The following DLGAP2 variants were observed in gnomAD, a reference collection of about 807,000 sequenced individuals.
The protein encoded by DLGAP2 is DLG associated protein 2, also known as disks large-associated protein 2.
In DLGAP2, 26 loss-of-function variants were observed where a neutral mutation model predicts 100.3. That is an observed-to-expected ratio of 0.26 (90% confidence interval 0.19 to 0.36). The LOEUF is 0.36. Ranked by LOEUF, DLGAP2 falls within the 10% of genes least tolerant of loss-of-function variation. The pLI is 1.00. For synonymous variants in DLGAP2, 886 were observed against 630.1 expected (o/e 1.41, Z -6.08); for missense variants, 1,858 against 1,453.2 (o/e 1.28, Z -4.53).
intron 3 of DLGAP2, among the ~76,000 whole-genome samples, chr8:1,268,579 A>T (rs764849213): frequency 1.3e-5 from 2 of 152,154 alleles, no homozygotes; most frequent in Non-Finnish European, 2.9e-5. Context: ...AATGCCCCCA[A>T]TTTAACATCT....
At chr8:926,121 TG>T (rs1798810323) in intron 2 of DLGAP2, among the ~76,000 whole-genome samples, 1 of 152,180 alleles carries the variant, frequency 6.6e-6, no homozygotes, top group Admixed American at 6.5e-5. Context: ...TGGCTTTTCC[TG>T]GGCTGGCCGG....
Position 1,706,297 on chromosome 8 carries a change from T to G in DLGAP2, c.*4891T>G, listed in dbSNP as rs1443574513. On this transcript the variant is annotated 3_prime_UTR_variant, in exon 15 of 15. Coordinates refer to ENST00000637795, the MANE Select transcript of DLGAP2 (RefSeq NM_001346810.2). ...CCTCTAGAAAGGGGATTACAGTTCC[T>G]GTCCCTGTCTTCCTCCAGGACACAC... The G allele has an allele frequency of 3.9e-5, 6 of 152,278 alleles. No individual in the cohort carries two copies. The highest frequency in any genetic ancestry group is 7.3e-5 in the Non-Finnish European group (5 of 68,052). 9.4% of individuals were successfully genotyped at this position (152,278 alleles called of 1,614,324 possible).
At position 1,706,095 on chromosome 8, in the gene DLGAP2, T is replaced by C. The variant is rs1478330207; in HGVS notation, c.*4689T>C. 1 of 152,188 alleles carries C rather than the reference T, an allele frequency of 6.6e-6. No individual in the cohort carries two copies. Among genetic ancestry groups the C allele is most frequent in the Non-Finnish European group, 1.5e-5 (1 of 68,040 alleles). 9.4% of individuals were successfully genotyped at this position (152,188 alleles called of 1,614,324 possible). ...AATACATTGTTGGCCATAAACAAAG[T>C]GCTAAAGGAAAGGGTTTGCTTCTAC... On this transcript the variant is annotated 3_prime_UTR_variant, in exon 15 of 15. Coordinates refer to ENST00000637795, the MANE Select transcript of DLGAP2 (RefSeq NM_001346810.2).
At chr8:1,678,148 T>C in intron 11 of DLGAP2, 66 bp from the exon 12 acceptor site, 1 of 1,533,024 alleles carries the variant, frequency 6.5e-7, no homozygotes, top group South Asian at 1.2e-5. Flanking sequence ...AGGCGACATG[T>C]AGGACTTTGT....
At chr8:1,526,410 C>T (rs1342146217) in intron 4 of DLGAP2, among the ~76,000 whole-genome samples, 1 of 152,030 alleles carries the variant, frequency 6.6e-6, no homozygotes, top group Non-Finnish European at 1.5e-5. Flanking sequence ...GGTCCAAGGG[C>T]AGTCAGTGGT....
intron 2 of DLGAP2, among the ~76,000 whole-genome samples, chr8:1,096,629 C>T (rs1453660120): frequency 6.6e-6 from 1 of 151,514 alleles, no homozygotes; most frequent in Non-Finnish European, 1.5e-5. Flanking sequence ...CAGCGTGAGA[C>T]CCACCTCCCT....
At chr8:1,658,021 G>T (rs1467635596) in intron 8 of DLGAP2, among the ~76,000 whole-genome samples, 1 of 152,100 alleles carries the variant, frequency 6.6e-6, no homozygotes, top group Non-Finnish European at 1.5e-5. Context: ...GAATGCAATC[G>T]GTTCTGTACA....
chr8:1,311,320 G>C (rs1800609103), intron 3 of DLGAP2, among the ~76,000 whole-genome samples: 1 of 152,206 alleles, frequency 6.6e-6, no homozygotes, highest in South Asian at 2.1e-4. Context: ...TCCAGAATCA[G>C]ATACGTTCAC....
At chr8:1,294,554 T>A (rs574360260) in intron 3 of DLGAP2, among the ~76,000 whole-genome samples, 86 of 152,368 alleles carry the variant, frequency 5.6e-4, no homozygotes, top group Middle Eastern at 3.4e-3. Context: ...GAGGATGGTG[T>A]GGCGTCCCAC....
chr8:1,200,498 G>A (rs1320252725), intron 2 of DLGAP2, among the ~76,000 whole-genome samples: 1 of 152,090 alleles, frequency 6.6e-6, no homozygotes, highest in Admixed American at 6.5e-5. Flanking sequence ...CGTGCTCCTC[G>A]GGGGCTGAAG....
At chr8:1,296,682 C>T (rs1484165453) in intron 3 of DLGAP2, among the ~76,000 whole-genome samples, 1 of 152,198 alleles carries the variant, frequency 6.6e-6, no homozygotes, top group Non-Finnish European at 1.5e-5. Flanking sequence ...GAACACAGCC[C>T]TTTCCTCCCC....
chr8:1,126,733 T>C (rs1008251573), intron 2 of DLGAP2, among the ~76,000 whole-genome samples: 29 of 151,962 alleles, frequency 1.9e-4, no homozygotes, highest in African/African-American at 6.8e-4. Context: ...GGAAAGAACA[T>C]TTGTTGTCTC....
intron 2 of DLGAP2, among the ~76,000 whole-genome samples, chr8:1,033,532 G>C (rs1200052823): frequency 6.6e-6 from 1 of 152,202 alleles, no homozygotes; most frequent in Non-Finnish European, 1.5e-5. Context: ...GCTGGGCATG[G>C]TGGTGCATGC....
At chr8:884,479 TG>T (rs1035048378) in intron 1 of DLGAP2, among the ~76,000 whole-genome samples, 4 of 152,024 alleles carry the variant, frequency 2.6e-5, no homozygotes, top group Non-Finnish European at 5.9e-5. Flanking sequence ...CACTTTTCGA[TG>T]TTTTTTTTTT....
chr8:1,442,382 TGGA>T (rs1261039362), intron 3 of DLGAP2, among the ~76,000 whole-genome samples: 1 of 142,386 alleles, frequency 7.0e-6, no homozygotes, highest in African/African-American at 2.7e-5. Flanking sequence ...GTTCAGCCAC[TGGA>T]GGAGACGGAT....
At chr8:1,439,635 C>T (rs989711446) in intron 3 of DLGAP2, among the ~76,000 whole-genome samples, 4 of 152,038 alleles carry the variant, frequency 2.6e-5, no homozygotes, top group Admixed American at 2.0e-4. Context: ...GGCAGAAGGA[C>T]GGAGTGCGCA....
chr8:1,632,967 A>G lies in DLGAP2; in HGVS notation c.1731A>G (p.Gln577=), dbSNP rs368680352. ...TRSHSYLRAI[Q]AGYSQDDECI... ...GTCACAGCTACCTTCGAGCCATTCA[A>G]GCCGGCTACTCCCAAGATGACGAAT... Residue 577 remains glutamine, a synonymous_variant, in exon 8 of 15, where the codon CAA becomes CAG. Transcript: ENST00000637795. The G allele has an allele frequency of 1.2e-6, 2 of 1,613,888 alleles. No individual in the cohort carries two copies. Among genetic ancestry groups the G allele is most frequent in the African/African-American group, 1.3e-5 (1 of 74,924 alleles).
intron 2 of DLGAP2, among the ~76,000 whole-genome samples, chr8:1,230,485 T>C (rs1798513561): frequency 6.6e-6 from 1 of 152,182 alleles, no homozygotes; most frequent in African/African-American, 2.4e-5. Context: ...ACCAAAGTCA[T>C]TTTTCACAGA....
chr8:1,116,540 A>G (rs945457618), intron 2 of DLGAP2, among the ~76,000 whole-genome samples: 1 of 152,194 alleles, frequency 6.6e-6, no homozygotes, highest in African/African-American at 2.4e-5. Context: ...CAGTAATTAC[A>G]ATCCCTGCAC....
Sources: allele counts gnomAD v4.1 joint callset (sites outside exome capture counted in the v4.1 genomes callset), GRCh38; gene constraint gnomAD v4.1.1; transcripts MANE v1.5; gene names NCBI Gene and HGNC (gene_info 2026-07-23, HGNC 2026-07-21).